Variants in SYT14 observed in about 807,000 individuals in gnomAD.
The protein encoded by SYT14 is synaptotagmin-14.
Under a neutral mutation model 74.2 loss-of-function variants are expected in SYT14, and 32 were observed. The observed-to-expected ratio is 0.43, with a 90% CI of 0.33 to 0.58. The LOEUF (loss-of-function observed/expected upper bound fraction) is 0.58, where lower values mean the gene tolerates loss of function less well. SYT14 is among the 20% of genes least tolerant of loss of function. The probability of loss-of-function intolerance (pLI) is 0.05; values close to 1 mark genes in which losing one functional copy is unlikely to be tolerated. For missense variants in SYT14, 791 were observed against 981.8 expected, an observed-to-expected ratio of 0.81 and a Z score of 2.60; for synonymous variants, 298 against 337.7, an observed-to-expected ratio of 0.88 and a Z score of 1.29.
intron 7 of SYT14, among the ~76,000 whole-genome samples, chr1:210,101,187 A>T (rs1173276934): frequency 6.6e-6 from 1 of 152,150 alleles, no homozygotes; most frequent in Non-Finnish European, 1.5e-5. Context: ...AACCAGGGAG[A>T]TACATTATGC....
intron 2 of SYT14, among the ~76,000 whole-genome samples, chr1:209,998,534 A>G (rs1242409313): frequency 6.6e-6 from 1 of 152,130 alleles, no homozygotes; most frequent in East Asian, 1.9e-4. Context: ...GAAGCAGCAT[A>G]CTATCTGACT....
rs374110544 is a variant in SYT14, at chr1:210,140,843, G to C, written c.2035-14878G>C. On this transcript the variant is annotated intron_variant, in intron 7 of 9. Transcript: ENST00000637265. ...TTTTATTTCTGAACTGTCAATTATA[G>C]TTCGTTAATCTATTTGTCTATCCTT... is the stretch of plus-strand genomic sequence containing the variant. Among the ~76,000 whole-genome samples, 6 of 152,064 alleles carry C rather than the reference G, an allele frequency of 3.9e-5. No homozygotes were observed. The East Asian group carries it at 1.2e-3, about 29-fold the overall frequency.
In SYT14 at chr1:210,045,108, A is replaced by G. The variant is rs1572206676; in HGVS notation, c.1312+23854A>G. Among the ~76,000 whole-genome samples the G allele has an allele frequency of 2.6e-5, 4 of 152,358 alleles. No individual in the cohort carries two copies. The South Asian group carries it at 8.3e-4, about 32-fold the overall frequency. ...TAATATATCTACTTTCAGAATATTT[A>G]CAAATTTTCCAGGTATTTAGACTTG... is the stretch of plus-strand genomic sequence containing the variant. On this transcript the variant is annotated intron_variant, in intron 5 of 9. Coordinates refer to ENST00000637265, the Ensembl canonical transcript of SYT14.
chr1:210,171,357 G>C (rs965327358), exon 10 of SYT14: 1 of 149,260 alleles, frequency 6.7e-6, no homozygotes, highest in Non-Finnish European at 1.5e-5. Context: ...AAATTATCCA[G>C]AGCCTTTTTT....
intron 8 of SYT14, chr1:210,157,010 A>T (rs1164943388): frequency 6.3e-6 from 1 of 159,420 alleles, no homozygotes; most frequent in Non-Finnish European, 1.4e-5. Context: ...CTTTATACTT[A>T]CCTAAAATTA....
chr1:209,944,551 G>A (rs934539173), intron 1 of SYT14, among the ~76,000 whole-genome samples: 13 of 152,236 alleles, frequency 8.5e-5, no homozygotes, highest in African/African-American at 2.9e-4. Flanking sequence ...GATGCTGGAG[G>A]GGTAGTATGT....
rs536867777 is a variant in SYT14, at chr1:210,123,064, G to A, written c.2034+22603G>A. On this transcript the variant is annotated intron_variant, in intron 7 of 9. Transcript: ENST00000637265. ...GAAATACTTAAATATCTGACAAGTCGTAGTATGTGTTAAACAAGTTGGCCT... is the reference window on the plus strand; with the variant it reads ...GAAATACTTAAATATCTGACAAGTCATAGTATGTGTTAAACAAGTTGGCCT... Among the ~76,000 whole-genome samples the A allele has an allele frequency of 4.5e-4, 68 of 152,238 alleles. 1 individual carries two copies. The South Asian group carries it at 9.1e-3, about 20-fold the overall frequency.
chr1:210,059,816 C>T (rs552083153), intron 5 of SYT14, among the ~76,000 whole-genome samples: 142 of 152,196 alleles, frequency 9.3e-4, no homozygotes, highest in African/African-American at 3.3e-3. Context: ...TCACTTCACC[C>T]TCTAATTTGC....
chr1:210,119,528 TAGAGACTTATA>T (rs1324090125), intron 7 of SYT14, among the ~76,000 whole-genome samples: 1 of 152,200 alleles, frequency 6.6e-6, no homozygotes, highest in Non-Finnish European at 1.5e-5. Flanking sequence ...GTGGATTCAG[TAGAGACTTATA>T]ATGAGTCAGA....
intron 2 of SYT14, among the ~76,000 whole-genome samples, chr1:210,009,481 C>T (rs7536495): frequency 0.16 from 24,961 of 151,858 alleles, 6,518 homozygotes; most frequent in African/African-American, 0.55. Context: ...AGGCATATTT[C>T]ACCTTTTCCT....
intron 4 of SYT14, among the ~76,000 whole-genome samples, chr1:210,018,920 G>T (rs926257751): frequency 6.6e-6 from 1 of 151,872 alleles, no homozygotes; most frequent in African/African-American, 2.4e-5. Context: ...GGCAGATCAC[G>T]AGGTCAAGAG....
At chr1:209,970,475 T>G (rs934939943) in intron 2 of SYT14, among the ~76,000 whole-genome samples, 1 of 151,966 alleles carries the variant, frequency 6.6e-6, no homozygotes, top group Non-Finnish European at 1.5e-5. Context: ...CTTATACCAT[T>G]TAGTTTAAAG....
chr1:209,952,557 G>A (rs1193336216), intron 1 of SYT14, 152 bp from the exon 2 acceptor site: 21 of 633,926 alleles, frequency 3.3e-5, no homozygotes, highest in Non-Finnish European at 5.2e-5. Flanking sequence ...CTGATATTAG[G>A]CTATAATATT....
intron 2 of SYT14, among the ~76,000 whole-genome samples, chr1:209,996,998 GC>G (rs2079809665): frequency 6.6e-6 from 1 of 152,002 alleles, no homozygotes; most frequent in Non-Finnish European, 1.5e-5. Context: ...CAGACTCATA[GC>G]CAACATCATA....
At chr1:209,991,344 A>G (rs2079680984) in intron 2 of SYT14, among the ~76,000 whole-genome samples, 1 of 152,134 alleles carries the variant, frequency 6.6e-6, no homozygotes, top group Non-Finnish European at 1.5e-5. Context: ...TGAACAGACA[A>G]CCTGCAGAAT....
At chr1:210,146,638 G>C (rs1484452904) in intron 7 of SYT14, among the ~76,000 whole-genome samples, 2 of 151,490 alleles carry the variant, frequency 1.3e-5, no homozygotes, top group Admixed American at 6.6e-5. Context: ...AAATGTGATA[G>C]ACTAGTAAGA....
chr1:210,159,267 T>C, intron 8 of SYT14, 154 bp from the exon 8 acceptor site: 1 of 765,702 alleles, frequency 1.3e-6, no homozygotes, highest in South Asian at 1.6e-5. Context: ...TCCTTTTTGT[T>C]CAATCCTCTA....
At chr1:209,985,347 AT>A (rs1169930699) in intron 2 of SYT14, among the ~76,000 whole-genome samples, 4 of 152,370 alleles carry the variant, frequency 2.6e-5, no homozygotes, top group African/African-American at 9.6e-5. Context: ...CAGGGCAGTC[AT>A]TAAATCTTAA....
At chr1:210,098,947 G>T (rs929092345) in intron 6 of SYT14, among the ~76,000 whole-genome samples, 1 of 152,078 alleles carries the variant, frequency 6.6e-6, no homozygotes, top group African/African-American at 2.4e-5. Context: ...GCCTGCCTCA[G>T]CTCCCCAAAT....
Sources: gnomAD v4.1 joint callset for allele counts (sites outside exome capture counted in the v4.1 genomes callset) on GRCh38, gnomAD v4.1.1 for gene constraint, MANE v1.5 for transcripts, NCBI Gene and HGNC (gene_info 2026-07-23, HGNC 2026-07-21) for gene names.